Variants in CASZ1 observed in about 807,000 individuals in gnomAD.
The protein encoded by CASZ1 is zinc finger protein castor homolog 1.
A neutral mutation model predicts 135.2 loss-of-function variants in CASZ1; 28 were observed. The observed-to-expected ratio is 0.21, with a 90% CI of 0.15 to 0.28. CASZ1 has a LOEUF of 0.28. Among genes scored for constraint, CASZ1 ranks in the 10% least tolerant of loss-of-function variants. CASZ1 has a pLI of 1.00. For synonymous variants in CASZ1, 1,068 were observed against 1,073.4 expected (o/e 0.99, Z 0.10); for missense variants, 2,161 against 2,453.3 (o/e 0.88, Z 2.52).
intron 2 of CASZ1, among the ~76,000 whole-genome samples, chr1:10,752,555 T>G (rs990403249): frequency 5.3e-5 from 8 of 152,036 alleles, no homozygotes; most frequent in Middle Eastern, 3.2e-3. Flanking sequence ...ACTGTGGGAG[T>G]GGAGGTCATC....
chr1:10,733,133 G>A (rs1299173882), intron 2 of CASZ1, among the ~76,000 whole-genome samples: 1 of 152,194 alleles, frequency 6.6e-6, no homozygotes, highest in African/African-American at 2.4e-5. Context: ...TCTTAAAGAG[G>A]AGAAAGGAAA....
intron 2 of CASZ1, among the ~76,000 whole-genome samples, chr1:10,712,436 A>G (rs924381362): frequency 6.6e-6 from 1 of 152,262 alleles, no homozygotes; most frequent in Non-Finnish European, 1.5e-5. Context: ...TTGCCACCAT[A>G]AAGTAAAATA....
rs1639785518 is a variant in CASZ1, at chr1:10,735,731, C to T, written c.-77+24970G>A. On this transcript the variant is annotated intron_variant, in intron 2 of 20. Transcript: ENST00000377022. This position sits in a 1 kb window ranked among gnomAD's most constrained non-coding sequence, Gnocchi z 5.1. ...ATGAGGTCAAATGCTTTTCAAGTCA[C>T]GGGCATCTGCCTACCAAGGGACAGG... 6.6e-6 allele frequency among the ~76,000 whole-genome samples: 1 copy of T among 152,184 alleles called. No homozygotes were observed.
intron 15 of CASZ1, chr1:10,648,772 G>A: frequency 2.4e-6 from 1 of 408,226 alleles, no homozygotes. Flanking sequence ...TGCCCCTCTG[G>A]CCTGCTCTGC....
intron 4 of CASZ1, 35 bp from the exon 5 acceptor site, chr1:10,665,606 C>T (rs375868656): frequency 5.3e-6 from 8 of 1,502,008 alleles, no homozygotes; most frequent in East Asian, 2.4e-5. Flanking sequence ...AGGTCAGAGG[C>T]GTGCAAGGCC....
At chr1:10,779,126 G>A (rs1239334239) in intron 1 of CASZ1, among the ~76,000 whole-genome samples, 1 of 152,074 alleles carries the variant, frequency 6.6e-6, no homozygotes, top group Non-Finnish European at 1.5e-5. Context: ...AACATTTCTT[G>A]GGCCTTGTCC....
intron 4 of CASZ1, among the ~76,000 whole-genome samples, chr1:10,682,826 G>T (rs1353492945): frequency 6.6e-6 from 1 of 152,236 alleles, no homozygotes; most frequent in Non-Finnish European, 1.5e-5. Flanking sequence ...GGGAGGCCAG[G>T]GAAAGGAACC....
At position 10,655,905 on chromosome 1, in the gene CASZ1, CT is replaced by C; in HGVS notation, c.1501-93del. ...AAGAGCACCTGGGCCAGGTGCTGGCCTCAGGTCTCCCTAGAAAGAACCCTGC... is the reference window on the plus strand; with the variant it reads ...AAGAGCACCTGGGCCAGGTGCTGGCCCAGGTCTCCCTAGAAAGAACCCTGC... On this transcript the variant is annotated intron_variant, in intron 8 of 20. Coordinates refer to ENST00000377022, the MANE Select transcript of CASZ1 (RefSeq NM_001079843.3). The C allele has an allele frequency of 6.8e-6, 9 of 1,331,266 alleles. No homozygotes were observed. In the South Asian group the frequency reaches 8.9e-5, roughly 13 times the overall value. The allele number at this position is 1,331,266 out of a possible 1,614,324, so 82.5% of individuals were successfully genotyped here. A position where few individuals can be genotyped will look rare whatever the true frequency, so the allele number is the denominator to read the frequency against.
intron 3 of CASZ1, among the ~76,000 whole-genome samples, chr1:10,704,923 C>T (rs1307284164): frequency 1.3e-5 from 2 of 152,274 alleles, no homozygotes; most frequent in African/African-American, 2.4e-5. Flanking sequence ...AGGGGAGCCC[C>T]GTGCCTGAGG....
rs1639601901 is a variant in CASZ1, at chr1:10,726,578, C to T, written c.-76-21034G>A. 4.6e-5 allele frequency among the ~76,000 whole-genome samples: 7 copies of T among 152,364 alleles called. No homozygotes were observed. In the South Asian group the frequency reaches 1.4e-3, roughly 32 times the overall value. ...CAATCCGGCCAGAGGAAACACCGGG[C>T]ACGGGGAATGGAGCCCTCGCCAGCG... On this transcript the variant is annotated intron_variant, in intron 2 of 20. Transcript: ENST00000377022. This position sits in a 1 kb window ranked among gnomAD's most constrained non-coding sequence, Gnocchi z 5.7.
intron 1 of CASZ1, among the ~76,000 whole-genome samples, chr1:10,779,902 G>T (rs942190338): frequency 1.3e-5 from 2 of 152,186 alleles, no homozygotes; most frequent in East Asian, 1.9e-4. Flanking sequence ...CAGCCAAGGT[G>T]GGGGCTTTGC....
Position 10,643,271 on chromosome 1 carries a change from G to C in CASZ1, c.3909C>G (p.Ile1303Met), listed in dbSNP as rs1424287577. The C allele has an allele frequency of 2.5e-6, 4 of 1,613,182 alleles. No homozygotes were observed. Among genetic ancestry groups the C allele is most frequent in the Non-Finnish European group, 3.4e-6 (4 of 1,180,012 alleles). ...YNQVNSHFHC[I>M]REGCQFSFLL... ...GGAAGGAGAACTGGCAGCCCTCCCG[G>C]ATGCAGTGGAAGTGGCTGTTCACCT... Residue 1303 changes from isoleucine to methionine, a missense_variant, in exon 19 of 21, where the codon ATC becomes ATG. Coordinates refer to ENST00000377022, the MANE Select transcript of CASZ1 (RefSeq NM_001079843.3).
intron 5 of CASZ1, among the ~76,000 whole-genome samples, chr1:10,664,175 G>A (rs903797905): frequency 1.3e-5 from 2 of 152,068 alleles, no homozygotes; most frequent in African/African-American, 2.4e-5. Context: ...AGGGCTCCCC[G>A]CACGGGGAGG....
rs979445326 is a variant in CASZ1, at chr1:10,709,392, G to A, written c.-76-3848C>T. 1.3e-5 allele frequency among the ~76,000 whole-genome samples: 2 copies of A among 152,174 alleles called. No individual in the cohort carries two copies. Among genetic ancestry groups the A allele is most frequent in the African/African-American group, 4.8e-5 (2 of 41,436 alleles). ...TGTCAGCCCGGCAGTGTGAGGAGGG[G>A]GGCGGCATAGACAACAGGGGCAGCG... is the stretch of plus-strand genomic sequence containing the variant. On this transcript the variant is annotated intron_variant, in intron 2 of 20. Coordinates refer to ENST00000377022, the MANE Select transcript of CASZ1 (RefSeq NM_001079843.3). This position sits in a 1 kb window ranked among gnomAD's most constrained non-coding sequence, Gnocchi z 5.1.
intron 1 of CASZ1, among the ~76,000 whole-genome samples, chr1:10,779,670 T>C (rs1287891593): frequency 6.6e-6 from 1 of 152,218 alleles, no homozygotes; most frequent in Non-Finnish European, 1.5e-5. Context: ...ACAGAAGCAT[T>C]TGGATTTTTA....
In CASZ1 at chr1:10,639,575, G is replaced by A. The variant is rs889658581; in HGVS notation, c.4647C>T (p.Cys1549=). The change falls in exon 21 of 21, where the codon TGC becomes TGT. Residue 1549 remains cysteine, a synonymous_variant. Coordinates refer to ENST00000377022, the MANE Select transcript of CASZ1 (RefSeq NM_001079843.3). This position sits in a 1 kb window ranked among gnomAD's most constrained non-coding sequence, Gnocchi z 4.0. ...KQDVISAAGF[C]QFSSSADCAV... is the part of the protein sequence containing the mutation. Reference sequence around the variant, plus strand: ...CGCAGTCGGCGCTGGAGCTGAACTGGCAGAAGCCCGCGGCGCTGATCACGT... The same window carrying A: ...CGCAGTCGGCGCTGGAGCTGAACTGACAGAAGCCCGCGGCGCTGATCACGT... 3.1e-6 allele frequency: 5 copies of A among 1,611,364 alleles called. No homozygotes were observed. Among genetic ancestry groups the A allele is most frequent in the Non-Finnish European group, 4.2e-6 (5 of 1,179,210 alleles).
chr1:10,764,529 C>A (rs1489080673), intron 1 of CASZ1, among the ~76,000 whole-genome samples: 2 of 152,240 alleles, frequency 1.3e-5, no homozygotes, highest in Non-Finnish European at 2.9e-5. Flanking sequence ...TGGTTATGGT[C>A]CCCATGGATA....
Position 10,762,770 on chromosome 1 carries a change from T to TC in CASZ1, c.-233-1914dup, listed in dbSNP as rs2100578521. ...AAAGGTTAAGGGAAACACATCTACC[T>TC]CCCCAACTCCAGGCAAGGCGCTGGC... On this transcript the variant is annotated intron_variant, in intron 1 of 20. Coordinates refer to ENST00000377022, the MANE Select transcript of CASZ1 (RefSeq NM_001079843.3). This position sits in a 1 kb window ranked among gnomAD's most constrained non-coding sequence, Gnocchi z 4.1. Among the ~76,000 whole-genome samples the TC allele has an allele frequency of 6.6e-6, 1 of 151,968 alleles. No individual in the cohort carries two copies. Among genetic ancestry groups the TC allele is most frequent in the East Asian group, 1.9e-4 (1 of 5,152 alleles).
chr1:10,653,848 T>C lies in CASZ1; in HGVS notation c.2209A>G (p.Ser737Gly). The change falls in exon 11 of 21, where the codon AGC (serine) becomes GGC (glycine). Residue 737 changes from serine to glycine, a missense_variant. Physicochemically the swap from Ser to Gly is moderately conservative, Grantham distance 56. This residue lies in a region of CASZ1 where 406 missense variants were observed against 387.6 expected (regional missense o/e 1.05). Transcript: ENST00000377022. ...DFSALSSKNS[S>G]LSASPTSQQS... Reference sequence around the variant, plus strand: ...TGGCTGGTAGGGGAGGCGCTCAGGCTGGAGTTCTTGCTGCTCAGGGCGGAG... The same window carrying C: ...TGGCTGGTAGGGGAGGCGCTCAGGCCGGAGTTCTTGCTGCTCAGGGCGGAG... 1 of 1,610,226 alleles carries C rather than the reference T, an allele frequency of 6.2e-7. No homozygotes were observed. Among genetic ancestry groups the C allele is most frequent in the African/African-American group, 1.3e-5 (1 of 74,986 alleles).
Sources: gnomAD v4.1 joint callset for allele counts (sites outside exome capture counted in the v4.1 genomes callset) on GRCh38, gnomAD v4.1.1 for gene constraint, gnomAD v4.1.1 regional missense constraint, Gnocchi (gnomAD v3.1) non-coding constraint, MANE v1.5 for transcripts, NCBI Gene and HGNC (gene_info 2026-07-23, HGNC 2026-07-21) for gene names.